CPXM2: variants seen among roughly 807,000 people sequenced by gnomAD.
The protein encoded by CPXM2 is carboxypeptidase X, M14 family member 2, also known as inactive carboxypeptidase-like protein X2.
In CPXM2, 66 loss-of-function variants were observed where a neutral mutation model predicts 86.1. The ratio of observed to expected loss-of-function variants is 0.77; its 90% CI spans 0.63 to 0.94. The LOEUF is 0.94. Among genes scored for constraint, CPXM2 ranks in the 40% least tolerant of loss-of-function variants. CPXM2 has a pLI of 0.00. For synonymous variants in CPXM2, 388 were observed against 400.2 expected (o/e 0.97, Z 0.36); for missense variants, 948 against 1,026.3 (o/e 0.92, Z 1.04).
At chr10:123,932,741 A>G (rs148344999) in intron 2 of CPXM2, among the ~76,000 whole-genome samples, 3 of 152,318 alleles carry the variant, frequency 2.0e-5, no homozygotes, top group East Asian at 1.9e-4. Context: ...TCAGACTCCA[A>G]TGCCTGCACC....
intron 10 of CPXM2, among the ~76,000 whole-genome samples, chr10:123,764,904 T>C (rs1384263079): frequency 2.0e-5 from 3 of 152,356 alleles, no homozygotes; most frequent in East Asian, 3.9e-4. Flanking sequence ...TAAAGCACTA[T>C]TCTTTGCTGT....
intron 2 of CPXM2, among the ~76,000 whole-genome samples, chr10:123,929,843 A>G (rs1945652217): frequency 6.6e-6 from 1 of 152,176 alleles, no homozygotes; most frequent in African/African-American, 2.4e-5. Flanking sequence ...CAAAGACCCC[A>G]TCTGTAATCA....
chr10:123,855,443 A>G (rs1047893488), intron 3 of CPXM2, among the ~76,000 whole-genome samples: 1 of 152,224 alleles, frequency 6.6e-6, no homozygotes, highest in African/African-American at 2.4e-5. Context: ...TGCAGGGCCC[A>G]GCCACAGGCA....
At chr10:123,863,524 A>G (rs967383211) in intron 2 of CPXM2, among the ~76,000 whole-genome samples, 2 of 152,032 alleles carry the variant, frequency 1.3e-5, no homozygotes, top group Admixed American at 1.3e-4. Context: ...TTGCCCTCAC[A>G]CCTTCCAGGC....
In CPXM2 at chr10:123,931,040, G is replaced by A. The variant is rs183574098; in HGVS notation, n.174+8437C>T. On this transcript the variant is annotated intron_variant and non_coding_transcript_variant, in intron 2 of 19. Coordinates refer to the CPXM2 transcript ENST00000368854. ...ATATTCATGGGGACAACTTGACCAC[G>A]TGTAACCACAACAGAGAGTAAGAAC... Among the ~76,000 whole-genome samples, 19 of 152,298 alleles carry A rather than the reference G, an allele frequency of 1.2e-4. No homozygotes were observed. In the East Asian group the frequency reaches 1.5e-3, roughly 12 times the overall value.
intron 4 of CPXM2, among the ~76,000 whole-genome samples, chr10:123,827,170 A>T (rs2134123540): frequency 6.6e-6 from 1 of 152,344 alleles, no homozygotes; most frequent in Middle Eastern, 3.4e-3. Context: ...AGACAACATT[A>T]TCTGATGCAA....
At chr10:123,906,582 C>T (rs1945443379) in intron 2 of CPXM2, among the ~76,000 whole-genome samples, 1 of 152,214 alleles carries the variant, frequency 6.6e-6, no homozygotes, top group Non-Finnish European at 1.5e-5. Context: ...GAAGCTGCAA[C>T]ACTTCATAAA....
intron 7 of CPXM2, among the ~76,000 whole-genome samples, chr10:123,776,327 T>C (rs1034926414): frequency 1.4e-4 from 22 of 152,214 alleles, no homozygotes; most frequent in African/African-American, 4.8e-4. Context: ...TCTTGGTCTC[T>C]TCAAGACTCT....
chr10:123,821,679 TTTGACAA>T (rs1388291368), intron 4 of CPXM2, among the ~76,000 whole-genome samples: 250 of 152,240 alleles, frequency 1.6e-3, no homozygotes, highest in Middle Eastern at 3.4e-3. Flanking sequence ...CCAGGGGACA[TTTGACAA>T]TGTCTGGAGA....
rs562282663 is a variant in CPXM2 at position 123,915,308 on chromosome 10, A to C, written n.174+24169T>G. Reference sequence around the variant, plus strand: ...TGCGGTGGCTCATAGCTGTAATCCCAGCCCTTTGGGAGGCTGAGGCGGGGA... The same window carrying C: ...TGCGGTGGCTCATAGCTGTAATCCCCGCCCTTTGGGAGGCTGAGGCGGGGA... On this transcript the variant is annotated intron_variant and non_coding_transcript_variant, in intron 2 of 19. Coordinates refer to the CPXM2 transcript ENST00000368854. Among the ~76,000 whole-genome samples the C allele has an allele frequency of 3.3e-5, 5 of 152,342 alleles. No individual in the cohort carries two copies. The South Asian group carries it at 1.0e-3, about 32-fold the overall frequency.
chr10:123,915,186 G>A (rs1945525490), intron 2 of CPXM2, among the ~76,000 whole-genome samples: 1 of 152,118 alleles, frequency 6.6e-6, no homozygotes, highest in Non-Finnish European at 1.5e-5. Flanking sequence ...TCACACACTT[G>A]CTCCTGCCTC....
chr10:123,828,030 A>T (rs1411429929), intron 4 of CPXM2, among the ~76,000 whole-genome samples: 1 of 151,900 alleles, frequency 6.6e-6, no homozygotes, highest in African/African-American at 2.4e-5. Flanking sequence ...AATTAGCCAG[A>T]TGTTGTGGTG....
intron 13 of CPXM2, among the ~76,000 whole-genome samples, chr10:123,748,734 C>G (rs560905562): frequency 6.6e-6 from 1 of 152,048 alleles, no homozygotes; most frequent in South Asian, 2.1e-4. Flanking sequence ...AGGAGCACGT[C>G]GACAGGCTGA....
At chr10:123,909,850 TCACCCATGAGGGC>T (rs1220248920) in intron 2 of CPXM2, among the ~76,000 whole-genome samples, 1 of 152,190 alleles carries the variant, frequency 6.6e-6, no homozygotes, top group Non-Finnish European at 1.5e-5. Flanking sequence ...AGTCATGTGT[TCACCCATGAGGGC>T]CATGGAGCAG....
intron 2 of CPXM2, among the ~76,000 whole-genome samples, chr10:123,873,798 T>C (rs962115656): frequency 2.6e-5 from 4 of 152,114 alleles, no homozygotes; most frequent in African/African-American, 9.7e-5. Flanking sequence ...GTACTTGTCT[T>C]AGTCTATTCA....
chr10:123,800,580 G>A (rs556947318), intron 4 of CPXM2, among the ~76,000 whole-genome samples: 41 of 152,276 alleles, frequency 2.7e-4, no homozygotes, highest in African/African-American at 7.7e-4. Context: ...GATAAGGCCC[G>A]AGGGTGATAC....
At chr10:123,811,105 C>T (rs1208661784) in intron 4 of CPXM2, among the ~76,000 whole-genome samples, 2 of 151,258 alleles carry the variant, frequency 1.3e-5, no homozygotes, top group Non-Finnish European at 2.9e-5. Flanking sequence ...AAACTGGACC[C>T]TATACCTAAC....
chr10:123,882,145 T>C (rs1945103218), intron 1 of CPXM2, among the ~76,000 whole-genome samples: 1 of 152,208 alleles, frequency 6.6e-6, no homozygotes, highest in Non-Finnish European at 1.5e-5. Flanking sequence ...AAGGGGCACA[T>C]TGGGCCAAGC....
intron 1 of CPXM2, among the ~76,000 whole-genome samples, chr10:123,883,921 A>G (rs1945137487): frequency 6.6e-6 from 1 of 152,206 alleles, no homozygotes; most frequent in Non-Finnish European, 1.5e-5. Context: ...TCAAGCCAGC[A>G]TCTCCATCTG....
Sources: gnomAD v4.1 joint callset for allele counts (sites outside exome capture counted in the v4.1 genomes callset) on GRCh38, gnomAD v4.1.1 for gene constraint, MANE v1.5 for transcripts, NCBI Gene and HGNC (gene_info 2026-07-23, HGNC 2026-07-21) for gene names.